ST6GAL1: variants seen among roughly 807,000 people sequenced by gnomAD.
The protein encoded by ST6GAL1 is beta-galactoside alpha-2,6-sialyltransferase 1.
A neutral mutation model predicts 38.0 loss-of-function variants in ST6GAL1; 20 were observed. That is an observed-to-expected ratio of 0.53 (90% confidence interval 0.37 to 0.77). The LOEUF (loss-of-function observed/expected upper bound fraction) is 0.77. Ranked by LOEUF, ST6GAL1 falls within the 30% of genes least tolerant of loss-of-function variation. The probability of loss-of-function intolerance (pLI) is 0.00; values close to 1 mark genes in which losing one functional copy is unlikely to be tolerated. For synonymous variants in ST6GAL1, 196 were observed against 188.2 expected (o/e 1.04, Z -0.34); for missense variants, 432 against 496.4 (o/e 0.87, Z 1.23).
intron 2 of ST6GAL1, among the ~76,000 whole-genome samples, chr3:186,966,546 G>C (rs1715124489): frequency 6.6e-6 from 1 of 152,210 alleles, no homozygotes; most frequent in Non-Finnish European, 1.5e-5. Flanking sequence ...CCCACACACA[G>C]AGTCTCTCCC....
chr3:186,981,772 G>A (rs1273227582), intron 2 of ST6GAL1, among the ~76,000 whole-genome samples: 2 of 152,158 alleles, frequency 1.3e-5, no homozygotes, highest in African/African-American at 4.8e-5. Flanking sequence ...CCTCAGCTTT[G>A]ATGACAAAAC....
At chr3:187,066,057 G>C (rs1719106900) in intron 5 of ST6GAL1, among the ~76,000 whole-genome samples, 2 of 152,264 alleles carry the variant, frequency 1.3e-5, no homozygotes, top group South Asian at 2.1e-4. Context: ...CTGAAAGACA[G>C]GTATCTGGAT....
chr3:186,998,863 G>A lies in ST6GAL1; in HGVS notation c.-183+34937G>A, dbSNP rs567763983. On this transcript the variant is annotated intron_variant, in intron 2 of 7. Coordinates refer to ENST00000169298, the MANE Select transcript of ST6GAL1 (RefSeq NM_173216.2). ...TGGAGCCCAGTTCTAAGCATTTTACGTATATTATTTCATATAGTTCAATAA... is the reference window on the plus strand; with the variant it reads ...TGGAGCCCAGTTCTAAGCATTTTACATATATTATTTCATATAGTTCAATAA... Among the ~76,000 whole-genome samples the A allele has an allele frequency of 5.3e-5, 8 of 152,224 alleles. No homozygotes were observed. The East Asian group carries it at 7.7e-4, about 15-fold the overall frequency.
At chr3:186,942,772 G>A (rs1333818922) in intron 1 of ST6GAL1, among the ~76,000 whole-genome samples, 1 of 152,012 alleles carries the variant, frequency 6.6e-6, no homozygotes, top group Non-Finnish European at 1.5e-5. Context: ...CTGCTGTGTC[G>A]GTATCATTAG....
chr3:187,014,679 T>C (rs1454438894), intron 2 of ST6GAL1, among the ~76,000 whole-genome samples: 1 of 152,348 alleles, frequency 6.6e-6, no homozygotes, highest in South Asian at 2.1e-4. Flanking sequence ...TTGCAATACA[T>C]TCCTGGGCAA....
chr3:187,006,682 C>T (rs1349778723), intron 2 of ST6GAL1: 1 of 152,210 alleles, frequency 6.6e-6, no homozygotes, highest in Non-Finnish European at 1.5e-5. Flanking sequence ...GGTCACACAT[C>T]TAGCAATTAG....
intron 2 of ST6GAL1, among the ~76,000 whole-genome samples, chr3:187,022,158 C>A (rs191454446): frequency 1.3e-5 from 2 of 152,212 alleles, no homozygotes; most frequent in African/African-American, 4.8e-5. Flanking sequence ...GGACACTAAG[C>A]CCTCAATCTG....
At chr3:187,030,273 T>G (rs1374782403) in intron 2 of ST6GAL1, among the ~76,000 whole-genome samples, 1 of 152,166 alleles carries the variant, frequency 6.6e-6, no homozygotes, top group South Asian at 2.1e-4. Flanking sequence ...GAGGATGACA[T>G]GCATTGATGC....
chr3:187,065,003 T>C (rs1490552522), intron 5 of ST6GAL1, among the ~76,000 whole-genome samples: 2 of 88,680 alleles, frequency 2.3e-5, no homozygotes, highest in Non-Finnish European at 4.7e-5. Flanking sequence ...TCTCTTCTTT[T>C]TCTTTTTTTT....
chr3:187,048,880 ATTTT>A (rs374148828), intron 4 of ST6GAL1, among the ~76,000 whole-genome samples: 31 of 115,448 alleles, frequency 2.7e-4, no homozygotes, highest in African/African-American at 9.8e-4. Context: ...GAGAAATTGA[ATTTT>A]TTTTTTTTTT....
At chr3:186,971,378 G>A (rs981598955) in intron 2 of ST6GAL1, among the ~76,000 whole-genome samples, 1 of 152,210 alleles carries the variant, frequency 6.6e-6, no homozygotes, top group African/African-American at 2.4e-5. Context: ...GATTATAGGC[G>A]TGAGCCACTG....
chr3:186,988,809 G>A (rs994085408), intron 2 of ST6GAL1, among the ~76,000 whole-genome samples: 1 of 152,138 alleles, frequency 6.6e-6, no homozygotes, highest in Non-Finnish European at 1.5e-5. Context: ...AGCTACTAGG[G>A]AGGCTAAGGT....
At chr3:186,983,296 G>A (rs1008665284) in intron 2 of ST6GAL1, among the ~76,000 whole-genome samples, 9 of 152,200 alleles carry the variant, frequency 5.9e-5, no homozygotes, top group African/African-American at 2.2e-4. Flanking sequence ...AGACAGACAT[G>A]TAGGCACATT....
At chr3:186,983,617 G>A (rs749019725) in intron 2 of ST6GAL1, among the ~76,000 whole-genome samples, 25 of 152,168 alleles carry the variant, frequency 1.6e-4, no homozygotes, top group Non-Finnish European at 3.2e-4. Context: ...GGTGGAGAGA[G>A]GAAGGGAGGG....
chr3:187,073,246 G>A (rs986728498), intron 6 of ST6GAL1, among the ~76,000 whole-genome samples: 4 of 152,162 alleles, frequency 2.6e-5, no homozygotes, highest in Non-Finnish European at 4.4e-5. Context: ...GCAATTATTC[G>A]TGATGAGCAT....
At chr3:186,965,962 G>C (rs891158803) in intron 2 of ST6GAL1, among the ~76,000 whole-genome samples, 1 of 152,142 alleles carries the variant, frequency 6.6e-6, no homozygotes, top group African/African-American at 2.4e-5. Context: ...ACAGTGGTGC[G>C]ATCTCAGCTC....
chr3:186,985,231 T>C (rs763057092), intron 2 of ST6GAL1, among the ~76,000 whole-genome samples: 11 of 152,096 alleles, frequency 7.2e-5, no homozygotes, highest in Non-Finnish European at 1.6e-4. Flanking sequence ...TCTTGTACTC[T>C]ACTTTGTTCT....
Position 186,946,076 on chromosome 3 carries a change from C to T in ST6GAL1, c.-325+15242C>T, listed in dbSNP as rs571178891. 1.3e-4 allele frequency among the ~76,000 whole-genome samples: 20 copies of T among 150,928 alleles called. No homozygotes were observed. The South Asian group carries it at 2.1e-3, about 16-fold the overall frequency. On this transcript the variant is annotated intron_variant, in intron 1 of 7. Transcript: ENST00000169298. The stretch of plus-strand genomic sequence containing the variant: ...AATCCCAGCACTTTGGGAGGCCAAG[C>T]GGGTGGATCACCTGAGGTCAGGAGT...
In ST6GAL1 at chr3:187,077,120, G is replaced by A. The variant is rs373753437; in HGVS notation, c.*1317G>A. 1.0e-5 allele frequency: 4 copies of A among 397,926 alleles called. 1 individual carries two copies. The highest frequency in any genetic ancestry group is 8.2e-5 in the African/African-American group (4 of 48,722). The allele number at this position is 397,926 out of a possible 1,614,324, so 24.6% of individuals were successfully genotyped here. ...GTCACTCTCAGAGGTCAGAACCTTG[G>A]AGATCAGAACTGATTCTCACCAGGT... is the stretch of plus-strand genomic sequence containing the variant. On this transcript the variant is annotated 3_prime_UTR_variant, in exon 8 of 8. Coordinates refer to ENST00000169298, the MANE Select transcript of ST6GAL1 (RefSeq NM_173216.2).
Sources: allele counts gnomAD v4.1 joint callset (sites outside exome capture counted in the v4.1 genomes callset), GRCh38; gene constraint gnomAD v4.1.1; transcripts MANE v1.5; gene names NCBI Gene and HGNC (gene_info 2026-07-23, HGNC 2026-07-21).